CD79B: variants seen among roughly 807,000 people sequenced by gnomAD.
CD79B encodes CD79b molecule, also known as B-cell antigen receptor complex-associated protein beta chain.
CD79B carries 7 observed loss-of-function variants against 30.0 expected under a neutral mutation model. The ratio of observed to expected loss-of-function variants is 0.23; its 90% CI spans 0.13 to 0.44. The LOEUF (loss-of-function observed/expected upper bound fraction) is 0.44, where lower values mean the gene tolerates loss of function less well. CD79B is among the 20% of genes least tolerant of loss of function. The pLI, the probability that CD79B is intolerant of heterozygous loss-of-function variation, is 1.00. For missense variants in CD79B, 218 were observed against 299.1 expected (o/e 0.73, Z 2.00); for synonymous variants, 118 against 119.2 (o/e 0.99, Z 0.07).
At chr17:63,931,484 C>T (rs550060555) in intron 1 of CD79B, 99 bp from the exon 2 acceptor site, 5 of 1,160,742 alleles carry the variant, frequency 4.3e-6, no homozygotes, top group East Asian at 2.4e-5. Context: ...GCTACTTCCT[C>T]CTTCCATGAC....
At chr17:63,929,670 G>A (rs1907993150) in intron 4 of CD79B, 100 bp downstream of exon 4, 2 of 1,005,898 alleles carry the variant, frequency 2.0e-6, no homozygotes, top group Non-Finnish European at 3.1e-6. Flanking sequence ...GGACCAAGAA[G>A]GCCACAACGA....
chr17:63,930,019 C>A, intron 3 of CD79B, 55 bp downstream of exon 3: 1 of 1,597,224 alleles, frequency 6.3e-7, no homozygotes, highest in Non-Finnish European at 8.6e-7. Flanking sequence ...AAGAGGCAGG[C>A]CGGGCTAGGG....
intron 1 of CD79B, among the ~76,000 whole-genome samples, chr17:63,931,670 C>A (rs1477593497): frequency 6.6e-6 from 1 of 151,846 alleles, no homozygotes; most frequent in Non-Finnish European, 1.5e-5. Context: ...TTTTGAGAGG[C>A]CAAGACAGGA....
In CD79B at chr17:63,928,916, C is replaced by T. The variant is rs537034400; in HGVS notation, c.*310G>A. ...AGGCCCTCGGCTCCGAGTCCATTTG[C>T]GGGCTCTGGACCAGTCTCTGCCTCC... On this transcript the variant is annotated 3_prime_UTR_variant, in exon 6 of 6. Coordinates refer to ENST00000006750, the MANE Select transcript of CD79B (RefSeq NM_000626.4). 12 of 478,236 alleles carry T rather than the reference C, an allele frequency of 2.5e-5. No homozygotes were observed. Among genetic ancestry groups the T allele is most frequent in the East Asian group, 7.3e-5 (2 of 27,434 alleles). 29.6% of individuals were successfully genotyped at this position (478,236 alleles called of 1,614,324 possible).
At chr17:63,930,047 G>A (rs1384707291) in intron 3 of CD79B, 27 bp downstream of exon 3, 10 of 1,611,036 alleles carry the variant, frequency 6.2e-6, no homozygotes, top group Non-Finnish European at 8.5e-6. Context: ...GACAGCTACA[G>A]GAGCGTCCCA....
At chr17:63,929,539 C>G in intron 4 of CD79B, 64 bp from the exon 5 acceptor site, 1 of 1,578,994 alleles carries the variant, frequency 6.3e-7, no homozygotes, top group South Asian at 1.1e-5. Context: ...CCTGCTGGGC[C>G]AGGCTGGGGA....
At position 63,931,341 on chromosome 17, in the gene CD79B, G is replaced by C. The variant is rs1908110755; in HGVS notation, c.112C>G (p.Pro38Ala). 6.2e-6 allele frequency: 10 copies of C among 1,613,892 alleles called. No individual in the cohort carries two copies. The highest frequency in any genetic ancestry group is 8.5e-6 in the Non-Finnish European group (10 of 1,180,008). The change falls in exon 2 of 6, where the codon CCC becomes GCC. Residue 38 changes from proline (P) to alanine (A), a missense_variant. Coordinates refer to ENST00000006750, the MANE Select transcript of CD79B (RefSeq NM_000626.4). ...GGCAGGCGAGGCTACTGACCTTTGG[G>C]ATTCCGGTACCGGTCCTCCGATCTG... ...AARSEDRYRN[P>A]KGSACSRIWQ... is the part of the protein sequence containing the mutation.
chr17:63,930,415 C>A lies in CD79B; in HGVS notation c.119-30G>T, dbSNP rs764201863. 3.7e-6 allele frequency: 6 copies of A among 1,603,624 alleles called. No homozygotes were observed. The South Asian group carries it at 6.6e-5, about 18-fold the overall frequency. ...GGGTGCCAAGGCCAGGCTCAGCATT[C>A]CGCTTGGCATCTTCCTGAGTGCCAG... On this transcript the variant is annotated intron_variant, in intron 2 of 5. Transcript: ENST00000006750.
At position 63,929,151 on chromosome 17, in the gene CD79B, G is replaced by A; in HGVS notation, c.*75C>T. 9.8e-7 allele frequency: 1 copy of A among 1,015,880 alleles called. No individual in the cohort carries two copies. Among genetic ancestry groups the A allele is most frequent in the Non-Finnish European group, 1.6e-6 (1 of 639,250 alleles). The allele number at this position is 1,015,880 out of a possible 1,614,324, so 62.9% of individuals were successfully genotyped here. On this transcript the variant is annotated 3_prime_UTR_variant, in exon 6 of 6. Coordinates refer to ENST00000006750, the MANE Select transcript of CD79B (RefSeq NM_000626.4). The stretch of plus-strand genomic sequence containing the variant: ...CTGGGGGGTCCAGGAAAGGGGTTGG[G>A]CCATGAGCCAGGCAGCTCCGAAGCA...
chr17:63,931,529 C>T (rs1325038769), intron 1 of CD79B, 144 bp from the exon 2 acceptor site: 3 of 722,804 alleles, frequency 4.2e-6, no homozygotes, highest in Non-Finnish European at 7.2e-6. Flanking sequence ...TCCCTGCCCC[C>T]AGTACTTGGG....
intron 3 of CD79B, 60 bp from the exon 4 acceptor site, chr17:63,929,948 G>C (rs191322321): frequency 6.5e-7 from 1 of 1,536,576 alleles, no homozygotes; most frequent in East Asian, 2.2e-5. Flanking sequence ...AGGCCTACAA[G>C]GGCAGCTCCC....
chr17:63,929,473 A>T lies in CD79B; in HGVS notation c.552T>A (p.Asp184Glu), dbSNP rs1598399769. The change falls in exon 5 of 6, where the codon GAT becomes GAA. Residue 184 changes from aspartate (D) to glutamate (E), a missense_variant and splice_region_variant. Physicochemically the swap from Asp to Glu is conservative, Grantham distance 45 (BLOSUM62 2). Transcript: ENST00000006750. ...IVPIFLLLDK[D>E]DSKAGMEEDH... ...CTTCCTCCATGCCAGCCTTGCTGTCATCCTGGGGGCGGAGAGGGATGGAGA... is the reference window on the plus strand; with the variant it reads ...CTTCCTCCATGCCAGCCTTGCTGTCTTCCTGGGGGCGGAGAGGGATGGAGA... The T allele has an allele frequency of 1.2e-6, 2 of 1,613,756 alleles. No individual in the cohort carries two copies. Among genetic ancestry groups the T allele is most frequent in the Non-Finnish European group, 1.7e-6 (2 of 1,179,982 alleles).
At chr17:63,929,635 AT>A in intron 4 of CD79B, 134 bp downstream of exon 4, 1 of 981,628 alleles carries the variant, frequency 1.0e-6, no homozygotes, top group Non-Finnish European at 1.6e-6. Flanking sequence ...GAATGATTGA[AT>A]TGGTGAGCCA....
chr17:63,930,324 C>T lies in CD79B; in HGVS notation c.180G>A (p.Thr60=), dbSNP rs750136776. The change falls in exon 3 of 6, where the codon ACG becomes ACA. Residue 60 remains threonine (T), a synonymous_variant. Coordinates refer to ENST00000006750, the MANE Select transcript of CD79B (RefSeq NM_000626.4). ...TGTTCATGTAGCAGTGCATTTTCACCGTGAAGCCCCGTTTCCTGGCTATGA... is the reference window on the plus strand; with the variant it reads ...TGTTCATGTAGCAGTGCATTTTCACTGTGAAGCCCCGTTTCCTGGCTATGA... ...PRFIARKRGF[T]VKMHCYMNSA... 9.9e-6 allele frequency: 16 copies of T among 1,614,048 alleles called. No individual in the cohort carries two copies. Among genetic ancestry groups the T allele is most frequent in the Middle Eastern group, 1.6e-4 (1 of 6,084 alleles).
rs564386087 is a variant in CD79B at position 63,930,060 on chromosome 17, C to A, written c.430+14G>T. ...CGGACAGCTACAGGAGCGTCCCAGCCACCTGGCACACACCCATGACTCGCA... is the reference window on the plus strand; with the variant it reads ...CGGACAGCTACAGGAGCGTCCCAGCAACCTGGCACACACCCATGACTCGCA... On this transcript the variant is annotated intron_variant, in intron 3 of 5. Coordinates refer to ENST00000006750, the MANE Select transcript of CD79B (RefSeq NM_000626.4). The A allele has an allele frequency of 1.9e-6, 3 of 1,613,170 alleles. No individual in the cohort carries two copies. The highest frequency in any genetic ancestry group is 2.5e-6 in the Non-Finnish European group (3 of 1,179,566).
chr17:63,931,442 C>T, intron 1 of CD79B, 57 bp from the exon 2 acceptor site: 2 of 1,540,212 alleles, frequency 1.3e-6, no homozygotes, highest in Non-Finnish European at 1.8e-6. Context: ...GCCTGGGCTG[C>T]CCCACCCCTG....
chr17:63,929,191 G>A lies in CD79B; in HGVS notation c.*35C>T. Reference sequence around the variant, plus strand: ...GCTCCGAAGCAGTCACTGAGGCCAGGGAGCCTGCACCCAGGTCATGGGGCG... The same window carrying A: ...GCTCCGAAGCAGTCACTGAGGCCAGAGAGCCTGCACCCAGGTCATGGGGCG... On this transcript the variant is annotated 3_prime_UTR_variant, in exon 6 of 6. Coordinates refer to ENST00000006750, the MANE Select transcript of CD79B (RefSeq NM_000626.4). 1 of 1,393,208 alleles carries A rather than the reference G, an allele frequency of 7.2e-7. No homozygotes were observed. Among genetic ancestry groups the A allele is most frequent in the Non-Finnish European group, 1.0e-6 (1 of 978,550 alleles). The allele number at this position is 1,393,208 out of a possible 1,614,324, so 86.3% of individuals were successfully genotyped here. A position where few individuals can be genotyped will look rare whatever the true frequency, so the allele number is the denominator to read the frequency against.
chr17:63,930,005 C>T lies in CD79B; in HGVS notation c.430+69G>A, dbSNP rs921051640. 4.4e-6 allele frequency: 7 copies of T among 1,583,466 alleles called. No individual in the cohort carries two copies. In the African/African-American group the frequency reaches 5.4e-5, roughly 12 times the overall value. ...GAGTGCTCTAGGGCCATGACCATCA[C>T]CACAAGAGGCAGGCCGGGCTAGGGT... On this transcript the variant is annotated intron_variant, in intron 3 of 5. Transcript: ENST00000006750.
rs1908116871 is a variant in CD79B, at chr17:63,931,367, G to A, written c.86C>T (p.Ala29Val). Residue 29 changes from alanine to valine, a missense_variant, in exon 2 of 6, where the codon GCC becomes GTC. Ala to Val is a moderately conservative substitution (Grantham distance 64). Transcript: ENST00000006750. The stretch of plus-strand genomic sequence containing the variant: ...ATTCCGGTACCGGTCCTCCGATCTG[G>A]CTGCTGGTACTGGCTCAGCTGCTGG... ...LLLSAEPVPA[A>V]RSEDRYRNPK... 1 of 1,613,986 alleles carries A rather than the reference G, an allele frequency of 6.2e-7. No individual in the cohort carries two copies. The highest frequency in any genetic ancestry group is 1.3e-5 in the African/African-American group (1 of 74,956).
Sources: gnomAD v4.1 joint callset for allele counts (sites outside exome capture counted in the v4.1 genomes callset) on GRCh38, gnomAD v4.1.1 for gene constraint, MANE v1.5 for transcripts, NCBI Gene and HGNC (gene_info 2026-07-23, HGNC 2026-07-21) for gene names.